Variants in MOCS2 observed in about 807,000 individuals in gnomAD.
The protein encoded by MOCS2 is molybdopterin synthase catalytic subunit.
In MOCS2, 13 loss-of-function variants were observed where a neutral mutation model predicts 21.9. The ratio of observed to expected loss-of-function variants is 0.59; its 90% CI spans 0.39 to 0.94. The LOEUF is 0.94. Among genes scored for constraint, MOCS2 ranks in the 40% least tolerant of loss-of-function variants. The probability of loss-of-function intolerance (pLI) is 0.00; values close to 1 mark genes in which losing one functional copy is unlikely to be tolerated. For missense variants in MOCS2, 227 were observed against 218.3 expected, an observed-to-expected ratio of 1.04 and a Z score of -0.25; for synonymous variants, 92 against 80.8, an observed-to-expected ratio of 1.14 and a Z score of -0.74.
At position 53,101,493 on chromosome 5, in the gene MOCS2, G is replaced by T. The variant is rs1056111293; in HGVS notation, c.243C>A (p.Asn81Lys). Reference sequence around the variant, plus strand: ...AGCTAATGACTTTTTTCCCTTCAAAGTTATTTCTTGTAGTCCCTTTAAAAA... The same window carrying T: ...AGCTAATGACTTTTTTCCCTTCAAATTTATTTCTTGTAGTCCCTTTAAAAA... ...ISLFVGTTRN[N>K]FEGKKVISLE... The change falls in exon 5 of 7, where the codon AAC becomes AAA. Residue 81 changes from asparagine (N) to lysine (K), a missense_variant. Physicochemically the swap from Asn to Lys is moderately conservative, Grantham distance 94. Coordinates refer to ENST00000396954, the MANE Select transcript of MOCS2 (RefSeq NM_004531.5). 1 of 1,602,708 alleles carries T rather than the reference G, an allele frequency of 6.2e-7. No individual in the cohort carries two copies. The highest frequency in any genetic ancestry group is 1.3e-5 in the African/African-American group (1 of 74,586).
At chr5:53,107,443 GT>G (rs1741082121) in intron 2 of MOCS2, 1 of 528,932 alleles carries the variant, frequency 1.9e-6, no homozygotes, top group Admixed American at 3.4e-5. Context: ...TTTATTGGAT[GT>G]TGTATGCCTT....
At chr5:53,102,065 C>T in intron 4 of MOCS2, 32 bp downstream of exon 4, 6 of 1,606,280 alleles carry the variant, frequency 3.7e-6, no homozygotes, top group Non-Finnish European at 5.1e-6. Context: ...TTGTCTTATA[C>T]AGTGATAGAT....
At chr5:53,104,377 CG>C (rs1740997770) in intron 3 of MOCS2, among the ~76,000 whole-genome samples, 1 of 152,158 alleles carries the variant, frequency 6.6e-6, no homozygotes, top group South Asian at 2.1e-4. Context: ...ACCAGTCCTG[CG>C]AAACACATTC....
intron 5 of MOCS2, 54 bp from the exon 6 acceptor site, chr5:53,100,588 T>C: frequency 6.3e-7 from 1 of 1,596,606 alleles, no homozygotes; most frequent in Non-Finnish European, 8.6e-7. Flanking sequence ...ATCTACGTGT[T>C]AAAGAATCTG....
At position 53,101,978 on chromosome 5, in the gene MOCS2, CG is replaced by C. The variant is rs1188627629; in HGVS notation, c.226+118del. On this transcript the variant is annotated intron_variant, in intron 4 of 6. Transcript: ENST00000396954. The stretch of plus-strand genomic sequence containing the variant: ...TAAAAAAAAGTCTACCCACCATCAT[CG>C]GTAATCTTGGTTTAAAGTTCAGTAT... 1.1e-5 allele frequency: 11 copies of C among 1,041,644 alleles called. No homozygotes were observed. The African/African-American group carries it at 1.4e-4, about 14-fold the overall frequency. The allele number at this position is 1,041,644 out of a possible 1,614,324, so 64.5% of individuals were successfully genotyped here. A position where few individuals can be genotyped will look rare whatever the true frequency, so the allele number is the denominator to read the frequency against.
In MOCS2 at chr5:53,109,565, G is replaced by GCGCCCCCGAACCCAAGA. The variant is rs1399778513; in HGVS notation, c.-501_-485dup. The stretch of plus-strand genomic sequence containing the variant: ...GAAGGGCCCGGGGGCGGGGGCGGGG[G>GCGCCCCCGAACCCAAGA]CGCCCCCGAACCCAAGACGCCGGCC... On this transcript the variant is annotated 5_prime_UTR_variant, in exon 1 of 7. Coordinates refer to ENST00000396954, the MANE Select transcript of MOCS2 (RefSeq NM_004531.5). 5 of 1,403,096 alleles carry GCGCCCCCGAACCCAAGA rather than the reference G, an allele frequency of 3.6e-6. No individual in the cohort carries two copies. The East Asian group carries it at 1.4e-4, about 38-fold the overall frequency. 86.9% of individuals were successfully genotyped at this position (1,403,096 alleles called of 1,614,324 possible).
rs1201348806 is a variant in MOCS2, at chr5:53,098,136, T to G, written c.*466A>C. 1 of 159,152 alleles carries G rather than the reference T, an allele frequency of 6.3e-6. No individual in the cohort carries two copies. Among genetic ancestry groups the G allele is most frequent in the African/African-American group, 2.4e-5 (1 of 41,600 alleles). 9.9% of individuals were successfully genotyped at this position (159,152 alleles called of 1,614,324 possible). ...TTCTGAAAATGTATAATATCAAGAC[T>G]GTCTGATAATGCTTTTTTAATACTT... is the stretch of plus-strand genomic sequence containing the variant. On this transcript the variant is annotated 3_prime_UTR_variant, in exon 7 of 7. Coordinates refer to ENST00000396954, the MANE Select transcript of MOCS2 (RefSeq NM_004531.5).
In MOCS2 at chr5:53,109,245, A is replaced by G. The variant is rs1741135863; in HGVS notation, c.-170+6T>C. On this transcript the variant is annotated splice_donor_region_variant and intron_variant, in intron 1 of 6. Transcript: ENST00000396954. ...TGTAAGGGATCCGACGAAGTAAAAT[A>G]GGCACCTGTCACTCCGTGCAAACAA... is the stretch of plus-strand genomic sequence containing the variant. 2.5e-5 allele frequency: 25 copies of G among 988,248 alleles called. No homozygotes were observed. Among genetic ancestry groups the G allele is most frequent in the Non-Finnish European group, 2.6e-5 (22 of 830,720 alleles). The allele number at this position is 988,248 out of a possible 1,614,324, so 61.2% of individuals were successfully genotyped here.
chr5:53,104,891 G>A (rs936988432), intron 3 of MOCS2, among the ~76,000 whole-genome samples: 11 of 152,146 alleles, frequency 7.2e-5, no homozygotes, highest in African/African-American at 2.7e-4. Context: ...AGGGATGACT[G>A]TTAATTTCTA....
Position 53,109,630 on chromosome 5 carries a change from G to A in MOCS2, c.-549C>T. 11 of 1,540,888 alleles carry A rather than the reference G, an allele frequency of 7.1e-6. No homozygotes were observed. The highest frequency in any genetic ancestry group is 9.6e-6 in the Non-Finnish European group (11 of 1,141,792). Reference sequence around the variant, plus strand: ...TGGGGAGGTCCGACTGACCAAGGCTGGGTATGTGGAGGGAAAGGGCGGGAG... The same window carrying A: ...TGGGGAGGTCCGACTGACCAAGGCTAGGTATGTGGAGGGAAAGGGCGGGAG... On this transcript the variant is annotated 5_prime_UTR_variant, in exon 1 of 7. The change creates a premature stop within an existing upstream ORF in the 5' untranslated region. Coordinates refer to ENST00000396954, the MANE Select transcript of MOCS2 (RefSeq NM_004531.5).
At chr5:53,106,348 C>T (rs1206822013) in intron 3 of MOCS2, among the ~76,000 whole-genome samples, 1 of 152,182 alleles carries the variant, frequency 6.6e-6, no homozygotes, top group African/African-American at 2.4e-5. Context: ...TACATATACA[C>T]CATGGAATAC....
intron 2 of MOCS2, chr5:53,108,186 CA>C (rs1741102575): frequency 1.5e-5 from 3 of 197,044 alleles, no homozygotes; most frequent in Non-Finnish European, 1.0e-5. Context: ...AGGGGCAGAA[CA>C]AAATGTTTAA....
rs569403556 is a variant in MOCS2 at position 53,100,687 on chromosome 5, T to A, written c.378-153A>T. On this transcript the variant is annotated intron_variant, in intron 5 of 6. Coordinates refer to ENST00000396954, the MANE Select transcript of MOCS2 (RefSeq NM_004531.5). Reference sequence around the variant, plus strand: ...TAAACATACAGTTAGAAAAGAGTAATTAATTGCAGTAGCATTCAGCAGAGG... The same window carrying A: ...TAAACATACAGTTAGAAAAGAGTAAATAATTGCAGTAGCATTCAGCAGAGG... The A allele has an allele frequency of 4.3e-4, 331 of 761,814 alleles. 5 individuals are homozygous for A. The South Asian group carries it at 5.4e-3, about 12-fold the overall frequency. 47.2% of individuals were successfully genotyped at this position (761,814 alleles called of 1,614,324 possible).
At chr5:53,107,403 C>T (rs1035695358) in intron 2 of MOCS2, 182 bp from the exon 3 acceptor site, 22 of 594,158 alleles carry the variant, frequency 3.7e-5, no homozygotes, top group Non-Finnish European at 2.9e-5. Context: ...ACTTATACAC[C>T]ACAAAGATAC....
Position 53,109,304 on chromosome 5 carries a change from T to A in MOCS2, c.-223A>T, listed in dbSNP as rs1741137674. On this transcript the variant is annotated 5_prime_UTR_variant, in exon 1 of 7. The change abolishes the stop of an existing upstream ORF in the 5' untranslated region. Coordinates refer to ENST00000396954, the MANE Select transcript of MOCS2 (RefSeq NM_004531.5). ...GAAATAATTACAGGTTTGCAAATGA[T>A]CAAGGGTGTAGAAATCCACAGATGA... 1 of 1,031,808 alleles carries A rather than the reference T, an allele frequency of 9.7e-7. No individual in the cohort carries two copies. Among genetic ancestry groups the A allele is most frequent in the South Asian group, 4.5e-5 (1 of 22,276 alleles). 63.9% of individuals were successfully genotyped at this position (1,031,808 alleles called of 1,614,324 possible).
chr5:53,107,214 C>T lies in MOCS2; in HGVS notation c.-40G>A. The T allele has an allele frequency of 6.2e-7, 1 of 1,613,064 alleles. No homozygotes were observed. The highest frequency in any genetic ancestry group is 1.1e-5 in the South Asian group (1 of 90,758). On this transcript the variant is annotated 5_prime_UTR_variant, in exon 3 of 7. Coordinates refer to ENST00000396954, the MANE Select transcript of MOCS2 (RefSeq NM_004531.5). ...GCAAATATTATCTGATTTCTAACAT[C>T]AGCCAATCTAAAGGGGAAAAAATAT...
chr5:53,106,400 G>T (rs1458758241), intron 3 of MOCS2, among the ~76,000 whole-genome samples: 3 of 152,288 alleles, frequency 2.0e-5, no homozygotes, highest in African/African-American at 7.2e-5. Context: ...CCTTTGCAGG[G>T]ACATGGATGG....
intron 6 of MOCS2, 40 bp downstream of exon 6, chr5:53,100,371 T>G: frequency 6.2e-7 from 1 of 1,612,300 alleles, no homozygotes; most frequent in Non-Finnish European, 8.5e-7. Flanking sequence ...CTGAGAAAAA[T>G]CAGGTCCACA....
At position 53,109,361 on chromosome 5, in the gene MOCS2, G is replaced by A. The variant is rs560580920; in HGVS notation, c.-280C>T. On this transcript the variant is annotated 5_prime_UTR_variant, in exon 1 of 7. Coordinates refer to ENST00000396954, the MANE Select transcript of MOCS2 (RefSeq NM_004531.5). ...GTTCTTCACAAGAATTCTCCATGAG[G>A]TGCATTTCTTTTTAGATTAAAATTT... 24 of 1,139,206 alleles carry A rather than the reference G, an allele frequency of 2.1e-5. No individual in the cohort carries two copies. The highest frequency in any genetic ancestry group is 1.1e-4 in the African/African-American group (7 of 62,120). 70.6% of individuals were successfully genotyped at this position (1,139,206 alleles called of 1,614,324 possible). A position where few individuals can be genotyped will look rare whatever the true frequency, so the allele number is the denominator to read the frequency against.
Sources: allele counts gnomAD v4.1 joint callset (sites outside exome capture counted in the v4.1 genomes callset), GRCh38; gene constraint gnomAD v4.1.1; transcripts MANE v1.5; gene names NCBI Gene and HGNC (gene_info 2026-07-23, HGNC 2026-07-21).